The following SCARA5 variants were observed in gnomAD, a reference collection of about 807,000 sequenced individuals.
SCARA5 encodes scavenger receptor class A member 5, also known as scavenger receptor class A, member 5 (putative).
SCARA5 carries 45 observed loss-of-function variants against 46.3 expected under a neutral mutation model. The ratio of observed to expected loss-of-function variants is 0.97; its 90% CI spans 0.76 to 1.24. The LOEUF (loss-of-function observed/expected upper bound fraction) is 1.24, where lower values mean the gene tolerates loss of function less well. Among genes scored for constraint, SCARA5 ranks in the 50% most tolerant of loss-of-function variants. SCARA5 has a pLI of 0.00. For synonymous variants in SCARA5, 333 were observed against 306.5 expected, an observed-to-expected ratio of 1.09 and a Z score of -0.90; for missense variants, 680 against 689.0, an observed-to-expected ratio of 0.99 and a Z score of 0.15.
At chr8:27,960,729 C>T (rs976717050) in intron 3 of SCARA5, among the ~76,000 whole-genome samples, 7 of 151,982 alleles carry the variant, frequency 4.6e-5, no homozygotes, top group Admixed American at 1.3e-4. Flanking sequence ...CCAGAATGCT[C>T]GAAAGACACA....
intron 3 of SCARA5, among the ~76,000 whole-genome samples, chr8:27,950,666 G>A (rs575827316): frequency 3.8e-4 from 58 of 152,214 alleles, no homozygotes; most frequent in African/African-American, 1.3e-3. Context: ...TTGTGGGTTG[G>A]GAAGCGGCCA....
In SCARA5 at chr8:27,921,761, G is replaced by A. The variant is rs1449024604; in HGVS notation, c.726C>T (p.Arg242=). 1.9e-6 allele frequency: 3 copies of A among 1,579,856 alleles called. No homozygotes were observed. In the Admixed American group the frequency reaches 5.4e-5, roughly 29 times the overall value. The part of the protein sequence containing the change: ...HSLSYDVALH[R]TRLQDLRVLV... ...GCACCCGCAGGTCCTGCAGCCGCGT[G>A]CGGTGGAGGGCCACGTCGTAGGACA... Residue 242 remains arginine, a synonymous_variant, in exon 4 of 9, where the codon CGC becomes CGT. Coordinates refer to ENST00000354914, the MANE Select transcript of SCARA5 (RefSeq NM_173833.6).
chr8:27,951,269 G>C (rs1345499753), intron 3 of SCARA5, among the ~76,000 whole-genome samples: 1 of 152,234 alleles, frequency 6.6e-6, no homozygotes, highest in Admixed American at 6.5e-5. Flanking sequence ...CAATGCCTGA[G>C]CAGGACAAGA....
At position 27,896,864 on chromosome 8, in the gene SCARA5, C is replaced by T. The variant is rs1186820619; in HGVS notation, c.1153+7914G>A. On this transcript the variant is annotated intron_variant, in intron 7 of 8. Transcript: ENST00000354914. Reference sequence around the variant, plus strand: ...ATCCAAACACTTTGGGAGGCTGAGGCGGGTGGATCTTGAGGTCAGGAGTTC... The same window carrying T: ...ATCCAAACACTTTGGGAGGCTGAGGTGGGTGGATCTTGAGGTCAGGAGTTC... Among the ~76,000 whole-genome samples the T allele has an allele frequency of 3.9e-5, 6 of 152,176 alleles. No individual in the cohort carries two copies. In the South Asian group the frequency reaches 6.2e-4, roughly 16 times the overall value.
At chr8:27,895,704 C>T (rs148335615) in intron 7 of SCARA5, among the ~76,000 whole-genome samples, 266 of 152,292 alleles carry the variant, frequency 1.7e-3, no homozygotes, top group African/African-American at 6.2e-3. Context: ...GCTGTGTCTC[C>T]ACTTAGGGGT....
chr8:27,985,704 C>T (rs1200085776), intron 2 of SCARA5, among the ~76,000 whole-genome samples: 1 of 152,072 alleles, frequency 6.6e-6, no homozygotes, highest in Non-Finnish European at 1.5e-5. Flanking sequence ...CCCACAGAGG[C>T]CCAGGAGGCA....
At chr8:27,896,919 C>T (rs1807073068) in intron 7 of SCARA5, among the ~76,000 whole-genome samples, 2 of 152,096 alleles carry the variant, frequency 1.3e-5, no homozygotes, top group African/African-American at 2.4e-5. Context: ...TGGTGAAACC[C>T]TGCCTCTACT....
intron 2 of SCARA5, among the ~76,000 whole-genome samples, chr8:27,986,149 C>A (rs1808701823): frequency 6.6e-6 from 1 of 152,210 alleles, no homozygotes; most frequent in Non-Finnish European, 1.5e-5. Context: ...TGCGGATGGA[C>A]TGATGGGAGC....
At chr8:27,904,937 T>G (rs1309023066) in intron 6 of SCARA5, 103 bp from the exon 7 acceptor site, 3 of 1,059,320 alleles carry the variant, frequency 2.8e-6, no homozygotes, top group Non-Finnish European at 4.2e-6. Context: ...AGAGAAACCC[T>G]CAGGCAGGAG....
At chr8:27,929,262 A>G (rs552493132) in intron 3 of SCARA5, among the ~76,000 whole-genome samples, 1 of 152,062 alleles carries the variant, frequency 6.6e-6, no homozygotes, top group East Asian at 1.9e-4. Flanking sequence ...GCCCACCCCA[A>G]GCCTGCTCCC....
chr8:27,986,797 G>A (rs960056999), intron 2 of SCARA5, among the ~76,000 whole-genome samples: 3 of 152,226 alleles, frequency 2.0e-5, no homozygotes, highest in Admixed American at 1.3e-4. Flanking sequence ...GTCTTTGCAA[G>A]GCTCCTCAGT....
intron 3 of SCARA5, among the ~76,000 whole-genome samples, chr8:27,941,543 A>C (rs1426434909): frequency 6.6e-6 from 1 of 152,182 alleles, no homozygotes; most frequent in Non-Finnish European, 1.5e-5. Context: ...TCATTTGAGA[A>C]AATCAAATAG....
intron 3 of SCARA5, among the ~76,000 whole-genome samples, chr8:27,950,496 G>T (rs1463803884): frequency 6.6e-6 from 1 of 152,070 alleles, no homozygotes; most frequent in East Asian, 1.9e-4. Flanking sequence ...CCTCTGGCCA[G>T]CACCGTGGTT....
rs111370492 is a variant in SCARA5 at position 27,937,721 on chromosome 8, G to A, written c.242-15476C>T. On this transcript the variant is annotated intron_variant, in intron 3 of 8. Coordinates refer to ENST00000354914, the MANE Select transcript of SCARA5 (RefSeq NM_173833.6). ...TGAGCTCCAGGGGTTGGCAGGGCTGGCTTCTCCTGAGGCCTCTCTCCTTGG... is the reference window on the plus strand; with the variant it reads ...TGAGCTCCAGGGGTTGGCAGGGCTGACTTCTCCTGAGGCCTCTCTCCTTGG... 7.8e-3 allele frequency among the ~76,000 whole-genome samples: 1,195 copies of A among 152,250 alleles called. 21 individuals are homozygous for A. Among genetic ancestry groups the A allele is most frequent in the African/African-American group, 0.028 (1,142 of 41,522 alleles).
chr8:27,954,918 A>G (rs1236235028), intron 3 of SCARA5, among the ~76,000 whole-genome samples: 2 of 152,222 alleles, frequency 1.3e-5, no homozygotes, highest in African/African-American at 2.4e-5. Context: ...GAATACACTG[A>G]AAATGTCTCA....
rs200004034 is a variant in SCARA5 at position 27,904,732 on chromosome 8, C to T, written c.1153+46G>A. 2.1e-3 allele frequency: 3,271 copies of T among 1,535,102 alleles called. 11 individuals are homozygous for T. The highest frequency in any genetic ancestry group is 3.1e-3 in the Admixed American group (185 of 59,940). ...ATGGGGCTGCTTGGGGGACAGCTAGCCCTGTGCCAACACCATATCCCACGG... is the reference window on the plus strand; with the variant it reads ...ATGGGGCTGCTTGGGGGACAGCTAGTCCTGTGCCAACACCATATCCCACGG... On this transcript the variant is annotated intron_variant, in intron 7 of 8. Coordinates refer to ENST00000354914, the MANE Select transcript of SCARA5 (RefSeq NM_173833.6).
intron 3 of SCARA5, among the ~76,000 whole-genome samples, chr8:27,927,207 C>G (rs537671909): frequency 6.6e-6 from 1 of 152,188 alleles, no homozygotes; most frequent in Non-Finnish European, 1.5e-5. Flanking sequence ...CTGGGAGGTC[C>G]CAAGGCCTGC....
chr8:27,951,681 G>T (rs1384690440), intron 3 of SCARA5, among the ~76,000 whole-genome samples: 1 of 152,264 alleles, frequency 6.6e-6, no homozygotes, highest in Non-Finnish European at 1.5e-5. Flanking sequence ...GCCAGGGAAT[G>T]TGCCTCCTGT....
At chr8:27,896,562 C>A (rs1391222673) in intron 7 of SCARA5, among the ~76,000 whole-genome samples, 1 of 152,160 alleles carries the variant, frequency 6.6e-6, no homozygotes, top group Non-Finnish European at 1.5e-5. Flanking sequence ...CTGAAACATG[C>A]AGGAGCTCAG....
Sources: gnomAD v4.1 joint callset for allele counts (sites outside exome capture counted in the v4.1 genomes callset) on GRCh38, gnomAD v4.1.1 for gene constraint, MANE v1.5 for transcripts, NCBI Gene and HGNC (gene_info 2026-07-23, HGNC 2026-07-21) for gene names.